Variants in SVOPL observed in about 807,000 individuals in gnomAD.
The protein encoded by SVOPL is putative transporter SVOPL.
In SVOPL, 60 loss-of-function variants were observed where a neutral mutation model predicts 61.0. The ratio of observed to expected loss-of-function variants is 0.98; its 90% CI spans 0.80 to 1.22. The LOEUF is 1.22. Ranked by LOEUF, SVOPL falls within the 50% of genes most tolerant of loss-of-function variation. The pLI, the probability that SVOPL is intolerant of heterozygous loss-of-function variation, is 0.00. For synonymous variants in SVOPL, 279 were observed against 250.0 expected (o/e 1.12, Z -1.09); for missense variants, 662 against 643.9 (o/e 1.03, Z -0.30).
At chr7:138,647,577 G>A (rs1246754865) in intron 8 of SVOPL, among the ~76,000 whole-genome samples, 3 of 152,038 alleles carry the variant, frequency 2.0e-5, no homozygotes, top group African/African-American at 2.4e-5. Context: ...CTGGCCGGGT[G>A]TGGTGGCTCA....
intron 9 of SVOPL, among the ~76,000 whole-genome samples, chr7:138,640,341 A>G (rs941377422): frequency 5.3e-5 from 8 of 151,276 alleles, no homozygotes; most frequent in Admixed American, 1.3e-4. Context: ...AAGCATTTCT[A>G]CTGCCTCAGC....
At chr7:138,617,851 G>A (rs1799368171) in intron 14 of SVOPL, among the ~76,000 whole-genome samples, 2 of 151,800 alleles carry the variant, frequency 1.3e-5, no homozygotes, top group Non-Finnish European at 2.9e-5. Flanking sequence ...TGGAGGTGGG[G>A]AGGAAAGTAG....
At chr7:138,662,834 T>C in intron 5 of SVOPL, 1 of 1,366,806 alleles carries the variant, frequency 7.3e-7, no homozygotes, top group Non-Finnish European at 9.4e-7. Flanking sequence ...TAGAACTCTA[T>C]AATACCCGCA....
chr7:138,643,693 G>C (rs1800949993), intron 9 of SVOPL, among the ~76,000 whole-genome samples: 1 of 142,866 alleles, frequency 7.0e-6, no homozygotes, highest in Admixed American at 7.6e-5. Flanking sequence ...ACGTGTGAGG[G>C]ATCTAGAATA....
chr7:138,596,434 TG>T lies in SVOPL; in HGVS notation c.1449del (p.Gly485AspfsTer45). On this transcript the variant is annotated frameshift_variant, in exon 15 of 16. Transcript: ENST00000674285. LOFTEE classifies it high-confidence loss of function. ...AISAFTLPIE[T>X]KGRALQQIK ...TCACTCACCTGGAGGGCCCGTCCTTTGGTTTCGATGGGGAGAGTGAATGCAG... is the reference window on the plus strand; with the variant it reads ...TCACTCACCTGGAGGGCCCGTCCTTTGTTTCGATGGGGAGAGTGAATGCAG... 6.2e-7 allele frequency: 1 copy of T among 1,613,876 alleles called. No homozygotes were observed. Among genetic ancestry groups the T allele is most frequent in the Non-Finnish European group, 8.5e-7 (1 of 1,179,876 alleles).
intron 9 of SVOPL, among the ~76,000 whole-genome samples, chr7:138,636,658 A>C (rs1800483448): frequency 6.6e-6 from 1 of 151,964 alleles, no homozygotes. Context: ...TTTAGTAAAG[A>C]CAGAGTTTCA....
intron 3 of SVOPL, among the ~76,000 whole-genome samples, chr7:138,676,422 C>A (rs1057406846): frequency 6.6e-6 from 1 of 152,140 alleles, no homozygotes; most frequent in African/African-American, 2.4e-5. Flanking sequence ...AGGACCTACT[C>A]CCTCGTGTCC....
intron 5 of SVOPL, chr7:138,661,377 G>C: frequency 1.0e-6 from 1 of 985,272 alleles, no homozygotes; most frequent in Non-Finnish European, 1.2e-6. Flanking sequence ...TTTTAACTCC[G>C]TACATCCATC....
At position 138,656,470 on chromosome 7, in the gene SVOPL, C is replaced by A. The variant is rs1249759514; in HGVS notation, c.512G>T (p.Gly171Val). The change falls in exon 7 of 16, where the codon GGC (glycine) becomes GTC (valine). Residue 171 changes from glycine to valine, a missense_variant. Transcript: ENST00000674285. ...KTEFLPTKYRGYMLPLSQVFW... is the reference protein window; with the variant it reads ...KTEFLPTKYRVYMLPLSQVFW... ...TACCTGAGACAAGGGTAACATATAG[C>A]CTCGGTATTTCGTGGGCAAAAATTC... 6.2e-7 allele frequency: 1 copy of A among 1,613,964 alleles called. No individual in the cohort carries two copies. The highest frequency in any genetic ancestry group is 8.5e-7 in the Non-Finnish European group (1 of 1,179,956).
chr7:138,628,850 C>T (rs948126550), intron 10 of SVOPL, among the ~76,000 whole-genome samples: 9 of 151,954 alleles, frequency 5.9e-5, no homozygotes, highest in African/African-American at 1.7e-4. Flanking sequence ...TTTGGTGAGG[C>T]GCCTGTTCAA....
chr7:138,689,411 C>T, intron 1 of SVOPL: 1 of 1,321,678 alleles, frequency 7.6e-7, no homozygotes, highest in Non-Finnish European at 1.1e-6. Flanking sequence ...GCTCTCCCTG[C>T]CACATCGAGA....
chr7:138,637,463 T>TATATATATAGATATAGATATAG (rs1554463004), intron 9 of SVOPL, among the ~76,000 whole-genome samples: 8 of 19,116 alleles, frequency 4.2e-4, no homozygotes, highest in African/African-American at 9.7e-4. Context: ...TAGATATATA[T>TATATATATAGATATAGATATAG]ATATAGATAT....
rs997954410 is a variant in SVOPL at position 138,663,236 on chromosome 7, A to C, written c.274-91T>G. The C allele has an allele frequency of 3.2e-6, 5 of 1,549,302 alleles. No individual in the cohort carries two copies. In the African/African-American group the frequency reaches 6.8e-5, roughly 21 times the overall value. Reference sequence around the variant, plus strand: ...CCATTTTCACTAGAAGTAGGCTGGAAATACGGGAGGGATGGAAGTTAATTT... The same window carrying C: ...CCATTTTCACTAGAAGTAGGCTGGACATACGGGAGGGATGGAAGTTAATTT... On this transcript the variant is annotated intron_variant, in intron 4 of 15. Transcript: ENST00000674285.
intron 14 of SVOPL, among the ~76,000 whole-genome samples, chr7:138,602,882 C>T (rs1160883793): frequency 6.6e-6 from 1 of 152,050 alleles, no homozygotes; most frequent in East Asian, 1.9e-4. Context: ...TCAGTCTCAA[C>T]AAGTGAACCA....
In SVOPL at chr7:138,622,226, CTATCTATG is replaced by C. The variant is rs1438152379; in HGVS notation, c.1264-1099_1264-1092del. Among the ~76,000 whole-genome samples the C allele has an allele frequency of 1.9e-4, 17 of 88,864 alleles. 1 individual carries two copies. Among genetic ancestry groups the C allele is most frequent in the Non-Finnish European group, 3.5e-4 (15 of 42,610 alleles). The allele number at this position is 88,864 out of a possible 152,430, so 58.3% of individuals were successfully genotyped here. ...TGTATCTATCTATCTATCTATGTAT[CTATCTATG>C]TATCTATCTATCTATCTATGTATCT... On this transcript the variant is annotated intron_variant, in intron 13 of 15. Transcript: ENST00000674285.
At chr7:138,635,385 CTTTA>C (rs1476431636) in intron 9 of SVOPL, among the ~76,000 whole-genome samples, 2 of 149,620 alleles carry the variant, frequency 1.3e-5, no homozygotes, top group African/African-American at 4.9e-5. Context: ...AGGAGTTCTG[CTTTA>C]TTTTACTTTT....
At chr7:138,661,551 A>G in intron 5 of SVOPL, 1 of 985,358 alleles carries the variant, frequency 1.0e-6, no homozygotes, top group South Asian at 4.7e-5. Context: ...TGTAGTTTCC[A>G]GACTAGCTGA....
intron 14 of SVOPL, among the ~76,000 whole-genome samples, chr7:138,619,571 A>T (rs1799457169): frequency 6.7e-6 from 1 of 149,906 alleles, no homozygotes; most frequent in African/African-American, 2.4e-5. Context: ...TAAAAAAAAA[A>T]AAAAAAAAAA....
At chr7:138,648,403 T>C (rs186800335) in intron 8 of SVOPL, among the ~76,000 whole-genome samples, 1 of 150,910 alleles carries the variant, frequency 6.6e-6, no homozygotes, top group Admixed American at 6.6e-5. Flanking sequence ...AGGCCAGGAG[T>C]TCAAGATCAG....
Sources: allele counts gnomAD v4.1 joint callset (sites outside exome capture counted in the v4.1 genomes callset), GRCh38; gene constraint gnomAD v4.1.1; transcripts MANE v1.5; gene names NCBI Gene and HGNC (gene_info 2026-07-23, HGNC 2026-07-21).